The following TUSC3 variants were observed in gnomAD, a reference collection of about 807,000 sequenced individuals.
TUSC3 encodes dolichyl-diphosphooligosaccharide--protein glycosyltransferase subunit TUSC3.
In TUSC3, 45 loss-of-function variants were observed where a neutral mutation model predicts 44.8. That is an observed-to-expected ratio of 1.00 (90% CI 0.79 to 1.29). TUSC3 has a LOEUF of 1.29. Ranked by LOEUF, TUSC3 falls within the 50% of genes most tolerant of loss-of-function variation. The pLI is 0.00. For missense variants in TUSC3, 519 were observed against 437.9 expected (o/e 1.19, Z -1.65); for synonymous variants, 212 against 152.9 (o/e 1.39, Z -2.85).
intron 2 of TUSC3, among the ~76,000 whole-genome samples, chr8:15,523,664 ATGTGTGTGTGTGTGTGTGTGTGTGTGTG>A (rs869090876): frequency 2.4e-5 from 1 of 42,522 alleles, no homozygotes; most frequent in African/African-American, 8.7e-5. Flanking sequence ...ATATATATAT[ATGTGTGTGTGTGTGTGTGTGTGTGTGTG>A]TGTGTGTGTG....
At chr8:15,584,435 T>C (rs924260878) in intron 1 of TUSC3, among the ~76,000 whole-genome samples, 4 of 152,306 alleles carry the variant, frequency 2.6e-5, no homozygotes, top group Non-Finnish European at 5.9e-5. Context: ...AAATGAGTGC[T>C]AGCACTCTTA....
At chr8:15,443,337 TGTG>T (rs1800045876) in intron 1 of TUSC3, among the ~76,000 whole-genome samples, 1 of 8,170 alleles carries the variant, frequency 1.2e-4, no homozygotes, top group African/African-American at 3.2e-4. Flanking sequence ...CCCACCTAAT[TGTG>T]TGTGTGTGTG....
At chr8:15,654,612 G>A (rs893114381) in intron 3 of TUSC3, among the ~76,000 whole-genome samples, 1 of 151,914 alleles carries the variant, frequency 6.6e-6, no homozygotes, top group Non-Finnish European at 1.5e-5. Flanking sequence ...CCCTGCAAAC[G>A]TGGTGAAACC....
At chr8:15,514,373 A>G (rs1451193663) in intron 2 of TUSC3, among the ~76,000 whole-genome samples, 1 of 152,214 alleles carries the variant, frequency 6.6e-6, no homozygotes, top group Non-Finnish European at 1.5e-5. Flanking sequence ...AAGTTGAGCA[A>G]GAAAATTAAT....
chr8:15,615,858 G>C (rs1464963720), intron 1 of TUSC3, among the ~76,000 whole-genome samples: 1 of 152,136 alleles, frequency 6.6e-6, no homozygotes, highest in African/African-American at 2.4e-5. Flanking sequence ...AGAGAGGCTG[G>C]TTAAAGGATA....
chr8:15,773,340 A>G, the TUSC3 span, among the ~76,000 whole-genome samples: 2 of 152,224 alleles, frequency 1.3e-5, no homozygotes, highest in East Asian at 3.8e-4. Flanking sequence ...GAGTCTGAAA[A>G]AGGAAATTAA....
At chr8:15,482,670 G>C (rs1214210712) in intron 1 of TUSC3, among the ~76,000 whole-genome samples, 2 of 152,152 alleles carry the variant, frequency 1.3e-5, no homozygotes, top group Admixed American at 1.3e-4. Flanking sequence ...CAAAGTTCAA[G>C]TCTTACTGTG....
chr8:15,589,703 G>A lies in TUSC3; in HGVS notation c.139-33377G>A, dbSNP rs568018600. 4.2e-5 allele frequency among the ~76,000 whole-genome samples: 6 copies of A among 143,480 alleles called. No individual in the cohort carries two copies. In the South Asian group the frequency reaches 1.4e-3, roughly 34 times the overall value. The allele number at this position is 143,480 out of a possible 152,430, so 94.1% of individuals were successfully genotyped here. A position where few individuals can be genotyped will look rare whatever the true frequency, so the allele number is the denominator to read the frequency against. ...AGTATAAAGAAAAAAATGCATGTCT[G>A]ATTATTTTGTTTTTTGTACATCATT... On this transcript the variant is annotated intron_variant, in intron 1 of 10. Coordinates refer to ENST00000503731, the MANE Select transcript of TUSC3 (RefSeq NM_006765.4).
chr8:15,450,135 TA>T (rs1205336621), intron 1 of TUSC3, among the ~76,000 whole-genome samples: 3 of 152,176 alleles, frequency 2.0e-5, no homozygotes, highest in African/African-American at 7.2e-5. Flanking sequence ...TAAACATGTA[TA>T]AAAAAAGTGT....
At chr8:15,750,376 T>A (rs570409315) in intron 9 of TUSC3, among the ~76,000 whole-genome samples, 1 of 152,150 alleles carries the variant, frequency 6.6e-6, no homozygotes, top group Non-Finnish European at 1.5e-5. Flanking sequence ...GATACTAAAA[T>A]ATCATTCCCT....
chr8:15,684,971 G>A (rs965868367), intron 6 of TUSC3, among the ~76,000 whole-genome samples: 29 of 152,180 alleles, frequency 1.9e-4, no homozygotes, highest in East Asian at 7.7e-4. Flanking sequence ...TGGATCAGAT[G>A]CACCCCAGTC....
chr8:15,527,051 C>G (rs565977034), intron 2 of TUSC3, among the ~76,000 whole-genome samples: 4 of 152,170 alleles, frequency 2.6e-5, no homozygotes, highest in African/African-American at 9.7e-5. Flanking sequence ...ATTGATTAAT[C>G]AGAATTCTTC....
intron 2 of TUSC3, among the ~76,000 whole-genome samples, chr8:15,504,713 T>C (rs868001604): frequency 2.1e-5 from 3 of 143,964 alleles, no homozygotes; most frequent in African/African-American, 7.6e-5. Context: ...AGTGCAGTGG[T>C]GCGATCTTGG....
In TUSC3 at chr8:15,764,525, G is replaced by C; in HGVS notation, c.*369G>C. 3.4e-6 allele frequency: 1 copy of C among 295,702 alleles called. No homozygotes were observed. Among genetic ancestry groups the C allele is most frequent in the South Asian group, 4.3e-5 (1 of 23,410 alleles). The allele number at this position is 295,702 out of a possible 1,614,324, so 18.3% of individuals were successfully genotyped here. On this transcript the variant is annotated 3_prime_UTR_variant, in exon 11 of 11. Transcript: ENST00000503731. ...GCTGTTTACTCATTAGTAAAGGACC[G>C]CAATGTTAGTAAAGAAAACCTATGA...
intron 1 of TUSC3, among the ~76,000 whole-genome samples, chr8:15,459,860 G>A (rs1207741646): frequency 1.3e-5 from 2 of 149,278 alleles, no homozygotes; most frequent in Non-Finnish European, 1.5e-5. Flanking sequence ...GTGTGTATGT[G>A]TGTGTGTGTG....
chr8:15,444,190 A>C (rs1434885227), intron 1 of TUSC3, among the ~76,000 whole-genome samples: 1 of 152,214 alleles, frequency 6.6e-6, no homozygotes, highest in African/African-American at 2.4e-5. Flanking sequence ...GACACACTGC[A>C]TCTTTGCTTC....
At chr8:15,439,194 G>A (rs7837736) in intron 1 of TUSC3, among the ~76,000 whole-genome samples, 24,720 of 152,160 alleles carry the variant, frequency 0.16, 2,083 homozygotes, top group Middle Eastern at 0.23. Flanking sequence ...CCAGACTGAA[G>A]TGGTAGCCAG....
chr8:15,743,695 T>A (rs1308971628), intron 8 of TUSC3, 83 bp downstream of exon 8: 28 of 1,424,438 alleles, frequency 2.0e-5, no homozygotes, highest in Non-Finnish European at 2.3e-5. Context: ...ATAAAAGCCC[T>A]TTGTAAACAA....
intron 1 of TUSC3, among the ~76,000 whole-genome samples, chr8:15,581,777 C>T (rs1228138204): frequency 1.4e-5 from 2 of 138,230 alleles, no homozygotes; most frequent in African/African-American, 2.8e-5. Context: ...TTTTGTTTGT[C>T]TGTGCCCTGC....
Sources: allele counts gnomAD v4.1 joint callset (sites outside exome capture counted in the v4.1 genomes callset), GRCh38; gene constraint gnomAD v4.1.1; transcripts MANE v1.5; gene names NCBI Gene and HGNC (gene_info 2026-07-23, HGNC 2026-07-21).